The following SCFD2 variants were observed in gnomAD, a reference collection of about 807,000 sequenced individuals.
SCFD2 encodes the protein sec1 family domain-containing protein 2.
Under a neutral mutation model 58.9 loss-of-function variants are expected in SCFD2, and 54 were observed. That is an observed-to-expected ratio of 0.92 (90% CI 0.74 to 1.15). The LOEUF is 1.15. SCFD2 is among the 50% of genes most tolerant of loss of function. SCFD2 has a pLI of 0.00. For missense variants in SCFD2, 805 were observed against 836.6 expected, an observed-to-expected ratio of 0.96 and a Z score of 0.47; for synonymous variants, 321 against 335.9, an observed-to-expected ratio of 0.96 and a Z score of 0.49.
intron 1 of SCFD2, among the ~76,000 whole-genome samples, chr4:53,353,457 C>T (rs1172717062): frequency 6.6e-6 from 1 of 152,210 alleles, no homozygotes; most frequent in Non-Finnish European, 1.5e-5. Context: ...AGGGACCCAA[C>T]CAGGTTGCCA....
intron 2 of SCFD2, among the ~76,000 whole-genome samples, chr4:53,341,835 G>C (rs1733886462): frequency 6.6e-6 from 1 of 152,158 alleles, no homozygotes; most frequent in Admixed American, 6.5e-5. Context: ...TTTCAACCCA[G>C]AATTTCATAT....
intron 2 of SCFD2, among the ~76,000 whole-genome samples, chr4:53,315,623 A>G (rs1224574272): frequency 6.6e-6 from 1 of 152,200 alleles, no homozygotes; most frequent in Non-Finnish European, 1.5e-5. Context: ...TAATTTCTCT[A>G]AAGCTCTGCA....
intron 4 of SCFD2, among the ~76,000 whole-genome samples, chr4:53,243,409 C>T (rs1259287148): frequency 1.3e-5 from 2 of 152,064 alleles, no homozygotes; most frequent in Admixed American, 1.3e-4. Context: ...AAATAAGACC[C>T]TTTTCAGACA....
chr4:53,186,881 C>A (rs1472521833), intron 4 of SCFD2, among the ~76,000 whole-genome samples: 1 of 152,028 alleles, frequency 6.6e-6, no homozygotes, highest in Admixed American at 6.6e-5. Flanking sequence ...ATCTGACTTA[C>A]ACGGTTGCAC....
In SCFD2 at chr4:53,031,402, G is replaced by C. The variant is rs1577672328; in HGVS notation, c.1562-110532C>G. Among the ~76,000 whole-genome samples, 3 of 152,294 alleles carry C rather than the reference G, an allele frequency of 2.0e-5. No homozygotes were observed. The South Asian group carries it at 6.2e-4, about 32-fold the overall frequency. ...AAGGATCACAACTCCTTGCCAGCAA[G>C]GGAACAAAACTTGACGTAGAATAAG... is the stretch of plus-strand genomic sequence containing the variant. On this transcript the variant is annotated intron_variant, in intron 5 of 8. Transcript: ENST00000401642.
At chr4:53,280,600 C>G (rs945077931) in intron 3 of SCFD2, among the ~76,000 whole-genome samples, 5 of 151,632 alleles carry the variant, frequency 3.3e-5, no homozygotes, top group Admixed American at 2.6e-4. Flanking sequence ...ATATAAGAAA[C>G]AGTCATATCG....
At chr4:53,276,270 C>G (rs1292718597) in intron 3 of SCFD2, among the ~76,000 whole-genome samples, 3 of 151,888 alleles carry the variant, frequency 2.0e-5, no homozygotes, top group Non-Finnish European at 4.4e-5. Flanking sequence ...AAAAAGCGTA[C>G]AATACAGTCC....
At chr4:53,096,208 T>C (rs1398069793) in intron 5 of SCFD2, among the ~76,000 whole-genome samples, 1 of 152,180 alleles carries the variant, frequency 6.6e-6, no homozygotes, top group Non-Finnish European at 1.5e-5. Context: ...AGCGGCATGA[T>C]TTATAATTCT....
intron 2 of SCFD2, among the ~76,000 whole-genome samples, chr4:53,325,200 C>T (rs973710412): frequency 8.0e-5 from 12 of 150,366 alleles, no homozygotes; most frequent in Admixed American, 1.3e-4. Flanking sequence ...TGCGCGTGCG[C>T]GCACGCTTAC....
intron 5 of SCFD2, among the ~76,000 whole-genome samples, chr4:52,970,476 A>G (rs1029448544): frequency 6.6e-6 from 1 of 152,156 alleles, no homozygotes; most frequent in African/African-American, 2.4e-5. Flanking sequence ...GGGGAGGGGC[A>G]CCCACCATTG....
At chr4:52,958,700 G>A (rs1720768498) in intron 5 of SCFD2, among the ~76,000 whole-genome samples, 1 of 152,092 alleles carries the variant, frequency 6.6e-6, no homozygotes, top group Admixed American at 6.6e-5. Flanking sequence ...CCAGAAATAC[G>A]GGAGGAAACG....
chr4:53,271,227 C>G (rs1488005234), intron 4 of SCFD2, among the ~76,000 whole-genome samples: 1 of 151,872 alleles, frequency 6.6e-6, no homozygotes, highest in African/African-American at 2.4e-5. Context: ...GGTAAACTAA[C>G]AATATATAAC....
intron 4 of SCFD2, among the ~76,000 whole-genome samples, chr4:53,175,979 C>T (rs1727316795): frequency 6.6e-6 from 1 of 152,166 alleles, no homozygotes; most frequent in Admixed American, 6.5e-5. Context: ...TCTCCCATTC[C>T]ATTCTTCACA....
chr4:53,082,979 TTCTCTCTTTCTC>T (rs1472954197), intron 5 of SCFD2, among the ~76,000 whole-genome samples: 1 of 1,372 alleles, frequency 7.3e-4, no homozygotes, highest in Non-Finnish European at 0.016. Context: ...CTGTCTCTCT[TTCTCTCTTTCTC>T]TCTTTCTTAA....
At chr4:53,237,496 C>CT (rs1553890020) in intron 4 of SCFD2, among the ~76,000 whole-genome samples, 1 of 65,854 alleles carries the variant, frequency 1.5e-5, no homozygotes, top group Non-Finnish European at 2.8e-5. Context: ...CCCTCCCGGA[C>CT]GGGCGGCTGG....
chr4:53,259,959 A>ATT (rs3065029), intron 4 of SCFD2, among the ~76,000 whole-genome samples: 34,622 of 141,992 alleles, frequency 0.24, 4,473 homozygotes, highest in Non-Finnish European at 0.29. Flanking sequence ...ATAACCAGGT[A>ATT]TTTTTTTTTT....
intron 5 of SCFD2, among the ~76,000 whole-genome samples, chr4:53,110,669 TTAAAAAG>T: frequency 6.6e-6 from 1 of 152,130 alleles, no homozygotes; most frequent in African/African-American, 2.4e-5. Context: ...ATGGCAATCA[TTAAAAAG>T]TCAGGAAACA....
At chr4:53,098,307 G>T (rs1050249086) in intron 5 of SCFD2, among the ~76,000 whole-genome samples, 2 of 152,148 alleles carry the variant, frequency 1.3e-5, no homozygotes, top group African/African-American at 4.8e-5. Flanking sequence ...GCTCCTCCTT[G>T]TACCTCTGGT....
chr4:52,890,455 C>T (rs1027754123), intron 7 of SCFD2, among the ~76,000 whole-genome samples: 3 of 152,116 alleles, frequency 2.0e-5, no homozygotes, highest in Admixed American at 6.6e-5. Flanking sequence ...CTTGTGGAGC[C>T]GTTCAAGTCA....
Sources: gnomAD v4.1 joint callset for allele counts (sites outside exome capture counted in the v4.1 genomes callset) on GRCh38, gnomAD v4.1.1 for gene constraint, MANE v1.5 for transcripts, NCBI Gene and HGNC (gene_info 2026-07-23, HGNC 2026-07-21) for gene names.